The following CNTN4 variants were observed in gnomAD, a reference collection of about 807,000 sequenced individuals.
CNTN4 encodes the protein contactin-4.
In CNTN4, 77 loss-of-function variants were observed where a neutral mutation model predicts 122.5. The observed-to-expected ratio is 0.63, with a 90% CI of 0.52 to 0.76. The LOEUF (loss-of-function observed/expected upper bound fraction) is 0.76, where lower values mean the gene tolerates loss of function less well. Among genes scored for constraint, CNTN4 ranks in the 30% least tolerant of loss-of-function variants. The pLI, the probability that CNTN4 is intolerant of heterozygous loss-of-function variation, is 0.00. For synonymous variants in CNTN4, 512 were observed against 447.0 expected, an observed-to-expected ratio of 1.15 and a Z score of -1.83; for missense variants, 1,256 against 1,259.1, an observed-to-expected ratio of 1.00 and a Z score of 0.04.
chr3:2,199,291 A>G (rs2037986027), intron 2 of CNTN4, among the ~76,000 whole-genome samples: 1 of 151,844 alleles, frequency 6.6e-6, no homozygotes, highest in Non-Finnish European at 1.5e-5. Flanking sequence ...TTATGTTCCT[A>G]CCACTATTCT....
At chr3:2,708,694 A>G (rs79380727) in intron 4 of CNTN4, among the ~76,000 whole-genome samples, 1 of 150,186 alleles carries the variant, frequency 6.7e-6, no homozygotes, top group Non-Finnish European at 1.5e-5. Context: ...CCCAGAGAGC[A>G]CGTCCATGCA....
At chr3:2,478,540 C>A (rs2075895469) in intron 3 of CNTN4, among the ~76,000 whole-genome samples, 2 of 152,010 alleles carry the variant, frequency 1.3e-5, no homozygotes, top group South Asian at 2.1e-4. Flanking sequence ...AGATACTAAG[C>A]CCGGCATCAG....
chr3:2,659,090 A>G (rs1443719906), intron 4 of CNTN4, among the ~76,000 whole-genome samples: 2 of 152,110 alleles, frequency 1.3e-5, no homozygotes, highest in African/African-American at 2.4e-5. Context: ...GCTCTGTTCA[A>G]AAAAATCACA....
At chr3:2,320,717 G>A (rs566104607) in intron 2 of CNTN4, among the ~76,000 whole-genome samples, 158 of 152,224 alleles carry the variant, frequency 1.0e-3, no homozygotes, top group African/African-American at 3.7e-3. Context: ...TGTGAACTCA[G>A]AACCATGCAT....
chr3:2,596,690 G>C (rs915849757), intron 4 of CNTN4, among the ~76,000 whole-genome samples: 3 of 151,992 alleles, frequency 2.0e-5, no homozygotes, highest in Non-Finnish European at 4.4e-5. Context: ...ATTTGCCCCT[G>C]TTCACTCTAC....
intron 3 of CNTN4, among the ~76,000 whole-genome samples, chr3:2,564,070 T>C (rs553515296): frequency 1.3e-5 from 2 of 152,274 alleles, no homozygotes; most frequent in Admixed American, 1.3e-4. Context: ...GAGTTGAATA[T>C]CATCATTCAT....
At chr3:2,104,788 C>T (rs2032295970) in intron 2 of CNTN4, among the ~76,000 whole-genome samples, 1 of 152,160 alleles carries the variant, frequency 6.6e-6, no homozygotes, top group Non-Finnish European at 1.5e-5. Context: ...CAGTCTTTGT[C>T]ACAGGTTTCC....
chr3:2,330,640 AGT>A (rs1327319404), intron 2 of CNTN4, among the ~76,000 whole-genome samples: 2 of 152,322 alleles, frequency 1.3e-5, no homozygotes, highest in East Asian at 3.9e-4. Context: ...AGAGAATCTA[AGT>A]AATTTGTGGA....
At chr3:2,234,833 C>T (rs1190136751) in intron 2 of CNTN4, among the ~76,000 whole-genome samples, 1 of 152,120 alleles carries the variant, frequency 6.6e-6, no homozygotes, top group East Asian at 1.9e-4. Context: ...GCCAGAGGAA[C>T]ATGTGATTGT....
chr3:2,216,919 T>C (rs749681435), intron 2 of CNTN4, among the ~76,000 whole-genome samples: 27 of 152,278 alleles, frequency 1.8e-4, no homozygotes, highest in Non-Finnish European at 2.6e-4. Context: ...CTTTAGCTCA[T>C]TGGTGGGTTG....
intron 5 of CNTN4, among the ~76,000 whole-genome samples, chr3:2,736,689 C>T (rs1459628216): frequency 6.6e-6 from 1 of 151,838 alleles, no homozygotes; most frequent in Non-Finnish European, 1.5e-5. Flanking sequence ...TCTTGAACTC[C>T]CAACCTCAGG....
At chr3:2,620,809 T>G (rs1301561509) in intron 4 of CNTN4, among the ~76,000 whole-genome samples, 1 of 152,182 alleles carries the variant, frequency 6.6e-6, no homozygotes, top group Non-Finnish European at 1.5e-5. Context: ...ATTCTTCCTT[T>G]GACACAAAGC....
rs72162600 is a variant in CNTN4, at chr3:2,947,993, G to GA, written c.1358+22224dup. On this transcript the variant is annotated intron_variant, in intron 13 of 24. Transcript: ENST00000418658. ...GTTGTTTATTCAATTTAATTGTAGG[G>GA]AAAAAAAAAACTCATACGAGGGAAA... Among the ~76,000 whole-genome samples, 663 of 149,350 alleles carry GA rather than the reference G, an allele frequency of 4.4e-3. 3 individuals carry two copies. Among genetic ancestry groups the GA allele is most frequent in the Non-Finnish European group, 6.4e-3 (433 of 67,166 alleles).
At chr3:2,686,847 T>G (rs967582062) in intron 4 of CNTN4, among the ~76,000 whole-genome samples, 1 of 152,200 alleles carries the variant, frequency 6.6e-6, no homozygotes, top group Admixed American at 6.5e-5. Flanking sequence ...CTGCCCACTC[T>G]GGGTTGAATT....
rs755471277 is a variant in CNTN4 at position 2,887,062 on chromosome 3, C to T, written c.778C>T (p.Arg260Ter). 33 of 1,613,742 alleles carry T rather than the reference C, an allele frequency of 2.0e-5. No individual in the cohort carries two copies. Among genetic ancestry groups the T allele is most frequent in the Non-Finnish European group, 2.7e-5 (32 of 1,179,844 alleles). Residue 260 changes from arginine to a stop codon, truncating the protein, a stop_gained, in exon 10 of 25, where the codon CGA becomes TGA. Transcript: ENST00000418658. LOFTEE classifies it high-confidence loss of function. Reference protein sequence around the residue: ...LGNPVPTIIWRRADGKPIARK... With the variant: ...LGNPVPTIIW The stretch of plus-strand genomic sequence containing the variant: ...CAGTCCAGTACCAACTATTATCTGG[C>T]GAAGAGCTGATGGAAAGCCAATAGC...
intron 3 of CNTN4, among the ~76,000 whole-genome samples, chr3:2,341,398 A>G (rs186285088): frequency 5.1e-4 from 77 of 152,332 alleles, no homozygotes; most frequent in African/African-American, 1.7e-3. Flanking sequence ...CTTGTTCTTC[A>G]TGGTATTCCA....
intron 2 of CNTN4, among the ~76,000 whole-genome samples, chr3:2,277,607 C>T (rs1045467241): frequency 5.3e-5 from 8 of 152,118 alleles, no homozygotes; most frequent in African/African-American, 1.9e-4. Flanking sequence ...CATATCCGTA[C>T]GTGAAACACA....
chr3:2,864,373 C>T (rs965874606), intron 7 of CNTN4, among the ~76,000 whole-genome samples: 1 of 152,026 alleles, frequency 6.6e-6, no homozygotes, highest in Non-Finnish European at 1.5e-5. Flanking sequence ...AAATGAGCCT[C>T]CCGCAGAATT....
chr3:2,453,501 G>A (rs748177289), intron 3 of CNTN4, among the ~76,000 whole-genome samples: 1 of 152,084 alleles, frequency 6.6e-6, no homozygotes, highest in Non-Finnish European at 1.5e-5. Context: ...AAGGAGTAAG[G>A]CACAATATAA....
Sources: allele counts gnomAD v4.1 joint callset (sites outside exome capture counted in the v4.1 genomes callset), GRCh38; gene constraint gnomAD v4.1.1; transcripts MANE v1.5; gene names NCBI Gene and HGNC (gene_info 2026-07-23, HGNC 2026-07-21).